ACAA2: variants seen among roughly 807,000 people sequenced by gnomAD.
ACAA2 encodes the protein acetyl-CoA acyltransferase 2.
In ACAA2, 35 loss-of-function variants were observed where a neutral mutation model predicts 44.8. The ratio of observed to expected loss-of-function variants is 0.78; its 90% CI spans 0.60 to 1.04. The LOEUF (loss-of-function observed/expected upper bound fraction) is 1.04. Among genes scored for constraint, ACAA2 ranks in the 50% least tolerant of loss-of-function variants. The pLI is 0.00. For missense variants in ACAA2, 468 were observed against 482.6 expected (o/e 0.97, Z 0.28); for synonymous variants, 142 against 166.5 (o/e 0.85, Z 1.13).
chr18:49,806,724 A>G (rs917108275), intron 1 of ACAA2, among the ~76,000 whole-genome samples: 5 of 152,236 alleles, frequency 3.3e-5, no homozygotes, highest in African/African-American at 1.2e-4. Context: ...TATTACAACT[A>G]TGCTCAAGGA....
intron 1 of ACAA2, among the ~76,000 whole-genome samples, chr18:49,804,338 G>A (rs1243489740): frequency 2.0e-5 from 3 of 152,068 alleles, no homozygotes; most frequent in South Asian, 2.1e-4. Context: ...TGCTGCTACC[G>A]GTTCTAGAGT....
rs1343793304 is a variant in ACAA2, at chr18:49,794,323, T to C, written c.534A>G (p.Glu178=). 1 of 1,610,454 alleles carries C rather than the reference T, an allele frequency of 6.2e-7. No homozygotes were observed. Among genetic ancestry groups the C allele is most frequent in the Non-Finnish European group, 8.5e-7 (1 of 1,179,456 alleles). ...LAVKHKISRE[E]CDKYALQSQQ... The stretch of plus-strand genomic sequence containing the variant: ...GTGACTGCAGGGCATATTTGTCACA[T>C]TCTTCTCTGCTTATTTTGTGTTTTA... Residue 178 remains glutamate, a synonymous_variant, in exon 5 of 10, where the codon GAA becomes GAG. Transcript: ENST00000285093.
At chr18:49,808,922 C>T (rs1471857882) in intron 1 of ACAA2, among the ~76,000 whole-genome samples, 5 of 152,066 alleles carry the variant, frequency 3.3e-5, no homozygotes, top group Admixed American at 3.3e-4. Flanking sequence ...GTTTTTTCCC[C>T]ACCCTAATAA....
intron 2 of ACAA2, among the ~76,000 whole-genome samples, chr18:49,798,577 A>C (rs1360630348): frequency 2.6e-5 from 4 of 151,962 alleles, no homozygotes; most frequent in African/African-American, 9.7e-5. Flanking sequence ...ACATTGGTCT[A>C]TCAAGGTACG....
chr18:49,810,745 T>A (rs1339328717), intron 1 of ACAA2, among the ~76,000 whole-genome samples: 1 of 151,714 alleles, frequency 6.6e-6, no homozygotes, highest in Non-Finnish European at 1.5e-5. Context: ...TGAAGTGCGG[T>A]AGTGTGATCT....
At chr18:49,807,982 T>TA (rs571108352) in intron 1 of ACAA2, among the ~76,000 whole-genome samples, 2,122 of 116,230 alleles carry the variant, frequency 0.018, 39 homozygotes, top group South Asian at 0.13. Context: ...GCTCAGCAAT[T>TA]AAAAAAAAAA....
chr18:49,808,004 T>G (rs1335531996), intron 1 of ACAA2, among the ~76,000 whole-genome samples: 4 of 141,402 alleles, frequency 2.8e-5, no homozygotes, highest in African/African-American at 1.0e-4. Context: ...AAAAAACCCA[T>G]GCAACCCAAT....
chr18:49,799,828 G>A (rs1271752801), intron 2 of ACAA2, among the ~76,000 whole-genome samples: 19 of 77,824 alleles, frequency 2.4e-4, no homozygotes, highest in Admixed American at 5.6e-4. Context: ...CTGCCCGGCC[G>A]CCCATCATCT....
rs776889836 is a variant in ACAA2 at position 49,783,874 on chromosome 18, A to G, written c.1167T>C (p.Ile389=). ...AGGCTGTGCTCTGAATGATGACAGC[A>G]ATACCTTGGCCACCTCCAATGCAAG... is the stretch of plus-strand genomic sequence containing the variant. ...GSACIGGGQG[I]AVIIQSTA The change falls in exon 10 of 10, where the codon ATT becomes ATC. Residue 389 remains isoleucine, a synonymous_variant. Coordinates refer to ENST00000285093, the MANE Select transcript of ACAA2 (RefSeq NM_006111.3). 11 of 1,613,878 alleles carry G rather than the reference A, an allele frequency of 6.8e-6. 1 individual carries two copies. The South Asian group carries it at 1.1e-4, about 16-fold the overall frequency.
chr18:49,784,592 G>A (rs1598788516), intron 9 of ACAA2, among the ~76,000 whole-genome samples: 1 of 152,138 alleles, frequency 6.6e-6, no homozygotes, highest in African/African-American at 2.4e-5. Flanking sequence ...TGGCCTAACA[G>A]GGAGTCAGAG....
At chr18:49,801,814 A>ATATATATATATATATATATCTC (rs1491158195) in intron 2 of ACAA2, among the ~76,000 whole-genome samples, 5 of 134,994 alleles carry the variant, frequency 3.7e-5, no homozygotes, top group African/African-American at 1.4e-4. Context: ...ATATATATAT[A>ATATATATATATATATATATCTC]TCTTATCTTT....
chr18:49,808,309 A>T (rs1013846225), intron 1 of ACAA2, among the ~76,000 whole-genome samples: 3 of 152,250 alleles, frequency 2.0e-5, no homozygotes, highest in Admixed American at 2.0e-4. Context: ...TTATAAAACT[A>T]AACACACCTA....
chr18:49,810,970 TAA>T (rs1257072091), intron 1 of ACAA2, among the ~76,000 whole-genome samples: 1 of 52,372 alleles, frequency 1.9e-5, no homozygotes, highest in African/African-American at 7.7e-5. Flanking sequence ...TATAAAGGTT[TAA>T]AGTTTTTTTT....
intron 2 of ACAA2, among the ~76,000 whole-genome samples, chr18:49,800,117 C>A (rs921474961): frequency 8.3e-5 from 12 of 144,606 alleles, no homozygotes; most frequent in African/African-American, 3.1e-4. Flanking sequence ...GCCGCCCCGT[C>A]CGGGAGGGAG....
At position 49,787,358 on chromosome 18, in the gene ACAA2, G is replaced by T; in HGVS notation, c.887C>A (p.Pro296His). The T allele has an allele frequency of 7.0e-7, 1 of 1,436,620 alleles. No individual in the cohort carries two copies. 89.0% of individuals were successfully genotyped at this position (1,436,620 alleles called of 1,614,324 possible). The change falls in exon 8 of 10, where the codon CCT (proline) becomes CAT (histidine). Residue 296 changes from proline (P) to histidine (H), a missense_variant. Physicochemically the swap from Pro to His is moderately conservative, Grantham distance 77. Coordinates refer to ENST00000285093, the MANE Select transcript of ACAA2 (RefSeq NM_006111.3). ...GCDPSIMGIG[P>H]VPAISGALKK... ...CAGTGCCCCACTGATAGCAGGGACA[G>T]GACCTATATAATAATAAAAATCTTC...
intron 7 of ACAA2, 22 bp from the exon 8 acceptor site, chr18:49,787,383 C>CTATAAAAATATA (rs1159720530): frequency 1.5e-6 from 2 of 1,341,846 alleles, no homozygotes; most frequent in Admixed American, 3.5e-5. Flanking sequence ...TAAAAATCTT[C>CTATAAAAATATA]TATAAAAATA....
At chr18:49,800,097 C>T (rs1346469910) in intron 2 of ACAA2, among the ~76,000 whole-genome samples, 4 of 149,520 alleles carry the variant, frequency 2.7e-5, no homozygotes, top group South Asian at 2.1e-4. Context: ...GGTCAGCCCC[C>T]ACCAGGCCAG....
intron 3 of ACAA2, 43 bp from the exon 4 acceptor site, chr18:49,795,924 C>G: frequency 8.2e-7 from 1 of 1,212,916 alleles, no homozygotes; most frequent in East Asian, 2.3e-5. Flanking sequence ...TTTACCGTAC[C>G]CAAACAATGT....
chr18:49,788,912 T>C (rs1400033139), intron 7 of ACAA2, among the ~76,000 whole-genome samples: 2 of 152,256 alleles, frequency 1.3e-5, no homozygotes, highest in South Asian at 2.1e-4. Context: ...CACTAATAGC[T>C]GTGCGACTTT....
Sources: allele counts gnomAD v4.1 joint callset (sites outside exome capture counted in the v4.1 genomes callset), GRCh38; gene constraint gnomAD v4.1.1; transcripts MANE v1.5; gene names NCBI Gene and HGNC (gene_info 2026-07-23, HGNC 2026-07-21).